TPRG1: variants seen among roughly 807,000 people sequenced by gnomAD.
TPRG1 encodes tumor protein p63 regulated 1, also known as tumor protein p63-regulated gene 1 protein.
TPRG1 carries 29 observed loss-of-function variants against 29.3 expected under a neutral mutation model. That is an observed-to-expected ratio of 0.99 (90% CI 0.74 to 1.35). TPRG1 has a LOEUF of 1.35. Among genes scored for constraint, TPRG1 ranks in the 40% most tolerant of loss-of-function variants. The pLI, the probability that TPRG1 is intolerant of heterozygous loss-of-function variation, is 0.00. For synonymous variants in TPRG1, 130 were observed against 116.8 expected, an observed-to-expected ratio of 1.11 and a Z score of -0.73; for missense variants, 327 against 335.0, an observed-to-expected ratio of 0.98 and a Z score of 0.19.
At chr3:189,037,043 G>C (rs76658526) in intron 4 of TPRG1, among the ~76,000 whole-genome samples, 1 of 128,918 alleles carries the variant, frequency 7.8e-6, no homozygotes, top group Non-Finnish European at 1.7e-5. Flanking sequence ...AAAAAAAAAC[G>C]AAACAAATAT....
chr3:189,239,088 A>G, intron 4 of TPRG1, 179 bp downstream of exon 4: 1 of 513,190 alleles, frequency 1.9e-6, no homozygotes, highest in East Asian at 3.1e-5. Context: ...CAGGGATACA[A>G]CTTTAAGTAA....
At chr3:189,255,998 G>A (rs1711801854) in intron 4 of TPRG1, among the ~76,000 whole-genome samples, 1 of 151,818 alleles carries the variant, frequency 6.6e-6, no homozygotes, top group South Asian at 2.1e-4. Flanking sequence ...AGGGTTTTTT[G>A]TGTCTCTATC....
chr3:189,230,481 C>T (rs2108902665), intron 3 of TPRG1, among the ~76,000 whole-genome samples: 1 of 152,308 alleles, frequency 6.6e-6, no homozygotes, highest in East Asian at 1.9e-4. Flanking sequence ...GCTTCTGCCC[C>T]AATCTCCCTC....
chr3:189,162,848 A>G (rs1449519209), intron 5 of TPRG1, among the ~76,000 whole-genome samples: 1 of 152,240 alleles, frequency 6.6e-6, no homozygotes, highest in Admixed American at 6.5e-5. Context: ...TACCTTCATT[A>G]GAGAGTTATT....
chr3:189,149,920 T>C (rs905999357), intron 4 of TPRG1, among the ~76,000 whole-genome samples: 12 of 152,246 alleles, frequency 7.9e-5, no homozygotes, highest in African/African-American at 2.9e-4. Context: ...CGCAGTGTTT[T>C]CCACATGGTT....
At chr3:189,024,923 A>T (rs1016285864) in intron 4 of TPRG1, among the ~76,000 whole-genome samples, 3 of 152,230 alleles carry the variant, frequency 2.0e-5, no homozygotes, top group Non-Finnish European at 2.9e-5. Context: ...GCTTCGTCCC[A>T]TCTCAGACAG....
Position 189,321,214 on chromosome 3 carries a change from G to T in TPRG1, c.*394G>T. ...TATCCTGATTTATTCTCTCATTGGG[G>T]TCTCACTGTCTCTAGTATTTTAGCT... is the stretch of plus-strand genomic sequence containing the variant. On this transcript the variant is annotated 3_prime_UTR_variant, in exon 6 of 6. Coordinates refer to ENST00000345063, the MANE Select transcript of TPRG1 (RefSeq NM_198485.4). The T allele has an allele frequency of 6.6e-6, 1 of 152,558 alleles. No homozygotes were observed. 9.5% of individuals were successfully genotyped at this position (152,558 alleles called of 1,614,324 possible).
intron 1 of TPRG1, among the ~76,000 whole-genome samples, chr3:189,192,828 G>GTTT (rs1210460578): frequency 6.6e-6 from 1 of 152,116 alleles, no homozygotes; most frequent in East Asian, 1.9e-4. Flanking sequence ...TCTGCCTCCA[G>GTTT]TTGCAGGATT....
chr3:189,073,779 CT>C (rs1320141383), intron 4 of TPRG1, among the ~76,000 whole-genome samples: 3 of 152,126 alleles, frequency 2.0e-5, no homozygotes, highest in East Asian at 1.9e-4. Flanking sequence ...GGAAAAATGA[CT>C]TTTTTTCTTC....
intron 4 of TPRG1, among the ~76,000 whole-genome samples, chr3:189,035,772 A>G (rs1053439601): frequency 4.3e-5 from 1 of 23,174 alleles, no homozygotes; most frequent in African/African-American, 4.5e-5. Flanking sequence ...AAAAAATAAC[A>G]GATGTTGGGG....
chr3:189,142,188 G>A lies in TPRG1; in HGVS notation c.-290-5396G>A, dbSNP rs533068308. Reference sequence around the variant, plus strand: ...ACAGAGGACGCGTCCAGGTCTGGGAGAAGCTCCTTCCATCTTCGTGGTGAT... The same window carrying A: ...ACAGAGGACGCGTCCAGGTCTGGGAAAAGCTCCTTCCATCTTCGTGGTGAT... On this transcript the variant is annotated intron_variant, in intron 3 of 6. Coordinates refer to the TPRG1 transcript ENST00000412373. 3.3e-5 allele frequency among the ~76,000 whole-genome samples: 5 copies of A among 152,264 alleles called. No homozygotes were observed. The East Asian group carries it at 7.7e-4, about 24-fold the overall frequency.
At chr3:189,276,950 A>T (rs1414065057) in intron 4 of TPRG1, among the ~76,000 whole-genome samples, 2 of 151,958 alleles carry the variant, frequency 1.3e-5, no homozygotes, top group East Asian at 3.9e-4. Flanking sequence ...ATGACTCCAG[A>T]TGCTTTCGGG....
intron 1 of TPRG1, among the ~76,000 whole-genome samples, chr3:189,173,386 C>T (rs1356348373): frequency 7.1e-6 from 1 of 141,826 alleles, no homozygotes; most frequent in African/African-American, 2.7e-5. Flanking sequence ...GTTGCCCAGG[C>T]TGGAGGGTAG....
intron 1 of TPRG1, among the ~76,000 whole-genome samples, chr3:188,997,343 G>A (rs2152120965): frequency 1.3e-5 from 2 of 152,084 alleles, no homozygotes; most frequent in South Asian, 2.1e-4. Context: ...TTTCCCCTGG[G>A]GCTCTCACTG....
At chr3:188,997,972 A>G (rs1265596753) in intron 1 of TPRG1, among the ~76,000 whole-genome samples, 2 of 150,434 alleles carry the variant, frequency 1.3e-5, no homozygotes, top group African/African-American at 2.5e-5. Context: ...CTTGCCAGAG[A>G]AAAAAAAATT....
At chr3:189,228,108 G>A (rs556333693) in intron 3 of TPRG1, among the ~76,000 whole-genome samples, 2 of 152,222 alleles carry the variant, frequency 1.3e-5, no homozygotes, top group African/African-American at 2.4e-5. Flanking sequence ...GCAACAGAGC[G>A]AGACTCCATC....
chr3:189,265,763 C>T (rs559405770), intron 4 of TPRG1, among the ~76,000 whole-genome samples: 3 of 152,266 alleles, frequency 2.0e-5, no homozygotes, highest in East Asian at 1.9e-4. Context: ...CAGCCACCAT[C>T]GTGAACTGTG....
intron 1 of TPRG1, among the ~76,000 whole-genome samples, chr3:189,184,237 G>A (rs911648072): frequency 2.0e-5 from 3 of 152,136 alleles, no homozygotes; most frequent in African/African-American, 7.2e-5. Flanking sequence ...TGTCAAATGA[G>A]GATAATTAGA....
intron 4 of TPRG1, among the ~76,000 whole-genome samples, chr3:189,057,500 C>T (rs1166974674): frequency 2.1e-4 from 28 of 134,262 alleles, no homozygotes; most frequent in Non-Finnish European, 2.4e-4. Context: ...GCCCTGATTG[C>T]TTTTTTTTTT....
Sources: allele counts gnomAD v4.1 joint callset (sites outside exome capture counted in the v4.1 genomes callset), GRCh38; gene constraint gnomAD v4.1.1; transcripts MANE v1.5; gene names NCBI Gene and HGNC (gene_info 2026-07-23, HGNC 2026-07-21).